The following ADAMTS19 variants were observed in gnomAD, a reference collection of about 807,000 sequenced individuals.
The protein encoded by ADAMTS19 is ADAM metallopeptidase with thrombospondin type 1 motif 19.
ADAMTS19 carries 93 observed loss-of-function variants against 153.3 expected under a neutral mutation model. The ratio of observed to expected loss-of-function variants is 0.61; its 90% CI spans 0.51 to 0.72. The LOEUF (loss-of-function observed/expected upper bound fraction) is 0.72, where lower values mean the gene tolerates loss of function less well. Among genes scored for constraint, ADAMTS19 ranks in the 30% least tolerant of loss-of-function variants. The probability of loss-of-function intolerance (pLI) is 0.00; values close to 1 mark genes in which losing one functional copy is unlikely to be tolerated. For synonymous variants in ADAMTS19, 600 were observed against 556.6 expected (o/e 1.08, Z -1.10); for missense variants, 1,482 against 1,552.1 (o/e 0.95, Z 0.76).
chr5:129,680,383 CCT>C (rs1754746877), intron 17 of ADAMTS19, among the ~76,000 whole-genome samples: 1 of 152,070 alleles, frequency 6.6e-6, no homozygotes, highest in Non-Finnish European at 1.5e-5. Context: ...TCCCCATCAC[CCT>C]GTTTGTTATT....
intron 18 of ADAMTS19, among the ~76,000 whole-genome samples, chr5:129,684,499 G>GCATTATATTACATTA (rs55770530): frequency 0.32 from 42,615 of 132,394 alleles, 6,575 homozygotes; most frequent in East Asian, 0.47. Context: ...ACTACTCTTT[G>GCATTATATTACATTA]CATTACATTA....
intron 20 of ADAMTS19, 105 bp from the exon 21 acceptor site, chr5:129,704,134 G>A: frequency 8.5e-7 from 1 of 1,181,006 alleles, no homozygotes; most frequent in Non-Finnish European, 1.2e-6. Flanking sequence ...GCTTTTATGG[G>A]TGATGGGCTC....
At chr5:129,526,589 ATACT>A (rs1752017137) in intron 4 of ADAMTS19, 133 bp downstream of exon 4, 1 of 799,466 alleles carries the variant, frequency 1.3e-6, no homozygotes, top group Non-Finnish European at 1.8e-6. Context: ...CAGTAAAAAA[ATACT>A]TAGGTATATA....
intron 19 of ADAMTS19, among the ~76,000 whole-genome samples, chr5:129,697,212 T>C (rs2127152545): frequency 6.6e-6 from 1 of 152,272 alleles, no homozygotes; most frequent in African/African-American, 2.4e-5. Flanking sequence ...TCAATGCTGT[T>C]CAGTTGTATA....
At chr5:129,596,727 A>T in intron 8 of ADAMTS19, 63 bp downstream of exon 8, 1 of 1,198,520 alleles carries the variant, frequency 8.3e-7, no homozygotes, top group South Asian at 1.5e-5. Context: ...CGAGTTACTG[A>T]ATTACCTGGA....
intron 18 of ADAMTS19, among the ~76,000 whole-genome samples, chr5:129,689,085 A>G (rs1755217212): frequency 6.6e-6 from 1 of 152,234 alleles, no homozygotes; most frequent in Non-Finnish European, 1.5e-5. Flanking sequence ...TTACTGAAAT[A>G]AAATAGAATG....
chr5:129,605,862 T>G (rs1750868299), intron 8 of ADAMTS19, among the ~76,000 whole-genome samples: 1 of 152,160 alleles, frequency 6.6e-6, no homozygotes, highest in African/African-American at 2.4e-5. Context: ...CCTAGAGATG[T>G]TGAGTTGGGT....
rs563080982 is a variant in ADAMTS19 at position 129,614,773 on chromosome 5, A to G, written c.1479-5845A>G. 7.0e-3 allele frequency among the ~76,000 whole-genome samples: 1,071 copies of G among 152,278 alleles called. 13 individuals carry two copies. The highest frequency in any genetic ancestry group is 0.024 in the African/African-American group (1,015 of 41,556). On this transcript the variant is annotated intron_variant, in intron 8 of 22. Coordinates refer to ENST00000274487, the MANE Select transcript of ADAMTS19 (RefSeq NM_133638.6). ...CCCTGTTTGCAGACGACATGATTGT[A>G]TATCTAGAAAACCCCATTGTCTCAG...
chr5:129,514,094 A>T (rs1008593541), intron 3 of ADAMTS19, among the ~76,000 whole-genome samples: 3 of 151,166 alleles, frequency 2.0e-5, no homozygotes, highest in Admixed American at 2.0e-4. Flanking sequence ...CTCCAGTTCC[A>T]TCCATGTTGC....
intron 6 of ADAMTS19, among the ~76,000 whole-genome samples, chr5:129,548,299 A>AG (rs1289937369): frequency 1.3e-5 from 2 of 148,418 alleles, no homozygotes; most frequent in Non-Finnish European, 3.0e-5. Flanking sequence ...TAATATCCAG[A>AG]ATCTACAATG....
rs1393395000 is a variant in ADAMTS19 at position 129,461,192 on chromosome 5, G to T, written c.182G>T (p.Gly61Val). Reference sequence around the variant, plus strand: ...CCGGTGGACCCGGCTGGCGGCAGCGGGGGCAGCGCGGACCCGGGCTGGGTG... The same window carrying T: ...CCGGTGGACCCGGCTGGCGGCAGCGTGGGCAGCGCGGACCCGGGCTGGGTG... ...REPVDPAGGSGGSADPGWVRG... is the reference protein window; with the variant it reads ...REPVDPAGGSVGSADPGWVRG... Residue 61 changes from glycine (G) to valine (V), a missense_variant, in exon 2 of 23, where the codon GGG becomes GTG. Coordinates refer to ENST00000274487, the MANE Select transcript of ADAMTS19 (RefSeq NM_133638.6). The surrounding 1 kb of genome is among the most constrained non-coding windows in gnomAD (Gnocchi z 4.6). 1.5e-6 allele frequency: 2 copies of T among 1,343,980 alleles called. No homozygotes were observed. The highest frequency in any genetic ancestry group is 6.4e-5 in the Admixed American group (2 of 31,116). The allele number at this position is 1,343,980 out of a possible 1,614,324, so 83.3% of individuals were successfully genotyped here.
At chr5:129,728,561 T>G (rs2127214649) in intron 21 of ADAMTS19, among the ~76,000 whole-genome samples, 1 of 152,254 alleles carries the variant, frequency 6.6e-6, no homozygotes, top group African/African-American at 2.4e-5. Context: ...TCTTGGGGTC[T>G]GGATCAGAGG....
In ADAMTS19 at chr5:129,597,701, T is replaced by G. The variant is rs184203692; in HGVS notation, c.1478+1037T>G. On this transcript the variant is annotated intron_variant, in intron 8 of 22. Coordinates refer to ENST00000274487, the MANE Select transcript of ADAMTS19 (RefSeq NM_133638.6). Reference sequence around the variant, plus strand: ...GTGGGCGGATCACGAGATCAAGAGATCGAGACCATCCTGGCCAACATGAAA... The same window carrying G: ...GTGGGCGGATCACGAGATCAAGAGAGCGAGACCATCCTGGCCAACATGAAA... Among the ~76,000 whole-genome samples the G allele has an allele frequency of 1.9e-3, 296 of 151,880 alleles. 1 individual carries two copies. Among genetic ancestry groups the G allele is most frequent in the African/African-American group, 7.0e-3 (289 of 41,408 alleles).
intron 5 of ADAMTS19, 124 bp downstream of exon 5, chr5:129,527,955 G>T: frequency 3.5e-6 from 2 of 573,336 alleles, no homozygotes; most frequent in Non-Finnish European, 6.1e-6. Context: ...ATCACTTAAA[G>T]TATACATAAA....
chr5:129,562,946 C>T (rs1034831460), intron 7 of ADAMTS19, among the ~76,000 whole-genome samples: 2 of 151,932 alleles, frequency 1.3e-5, no homozygotes, highest in Admixed American at 1.3e-4. Context: ...TCTGAATATT[C>T]TGATTTTATG....
chr5:129,607,387 C>T lies in ADAMTS19; in HGVS notation c.1478+10723C>T, dbSNP rs55733939. ...TGTCTAATACATTTTTTTCACAGCA[C>T]GAAGTTGAATGTATTAGACATCATA... On this transcript the variant is annotated intron_variant, in intron 8 of 22. Coordinates refer to ENST00000274487, the MANE Select transcript of ADAMTS19 (RefSeq NM_133638.6). 7.7e-3 allele frequency among the ~76,000 whole-genome samples: 1,166 copies of T among 152,080 alleles called. 8 individuals are homozygous for T. Among genetic ancestry groups the T allele is most frequent in the South Asian group, 0.014 (66 of 4,818 alleles).
At position 129,648,986 on chromosome 5, in the gene ADAMTS19, T is replaced by C. The variant is rs1442579873; in HGVS notation, c.2176+16T>C. 1.3e-6 allele frequency: 2 copies of C among 1,557,046 alleles called. No homozygotes were observed. The highest frequency in any genetic ancestry group is 1.4e-5 in the African/African-American group (1 of 73,978). On this transcript the variant is annotated intron_variant, in intron 13 of 22. Transcript: ENST00000274487. ...CTGGATGAAGGTATGACCAACCAGA[T>C]CACCACCATCTTTGTTAACTAGATT... is the stretch of plus-strand genomic sequence containing the variant.
intron 13 of ADAMTS19, among the ~76,000 whole-genome samples, chr5:129,650,673 G>T (rs1480570034): frequency 1.3e-5 from 2 of 152,098 alleles, no homozygotes; most frequent in Non-Finnish European, 2.9e-5. Flanking sequence ...CTATCTTATT[G>T]ATTACCCCCA....
intron 14 of ADAMTS19, among the ~76,000 whole-genome samples, chr5:129,657,615 T>A (rs866710832): frequency 6.6e-6 from 1 of 152,340 alleles, no homozygotes; most frequent in African/African-American, 2.4e-5. Context: ...TTATAAAAAT[T>A]AATTCCCCAA....
Sources: gnomAD v4.1 joint callset for allele counts (sites outside exome capture counted in the v4.1 genomes callset) on GRCh38, gnomAD v4.1.1 for gene constraint, Gnocchi (gnomAD v3.1) non-coding constraint, MANE v1.5 for transcripts, NCBI Gene and HGNC (gene_info 2026-07-23, HGNC 2026-07-21) for gene names.